USP7: variants seen among roughly 807,000 people sequenced by gnomAD.
The protein encoded by USP7 is ubiquitin C-terminal hydrolase 7.
USP7 carries 9 observed loss-of-function variants against 162.9 expected under a neutral mutation model. That is an observed-to-expected ratio of 0.06 (90% confidence interval 0.03 to 0.10). USP7 has a LOEUF of 0.10. Among genes scored for constraint, USP7 ranks in the 10% least tolerant of loss-of-function variants. The pLI, the probability that USP7 is intolerant of heterozygous loss-of-function variation, is 1.00. For missense variants in USP7, 715 were observed against 1,373.7 expected (o/e 0.52, Z 7.58); for synonymous variants, 562 against 475.9 (o/e 1.18, Z -2.35).
At chr16:8,915,927 A>G (rs1897344518) in intron 8 of USP7, among the ~76,000 whole-genome samples, 1 of 152,222 alleles carries the variant, frequency 6.6e-6, no homozygotes, top group Non-Finnish European at 1.5e-5. Flanking sequence ...AATGAACTGG[A>G]TTCAATCCAG....
At chr16:8,963,151 C>G in intron 1 of USP7, 56 bp downstream of exon 1, 9 of 1,355,018 alleles carry the variant, frequency 6.6e-6, no homozygotes, top group Non-Finnish European at 8.7e-6. Flanking sequence ...CGCGGCTCCC[C>G]CGGCCACAAT....
rs1897809313 is a variant in USP7, at chr16:8,923,391, T to C, written c.207A>G (p.Ala69=). 6.2e-7 allele frequency: 1 copy of C among 1,614,224 alleles called. No individual in the cohort carries two copies. The highest frequency in any genetic ancestry group is 8.5e-7 in the Non-Finnish European group (1 of 1,180,048). ...AGCGCTCCACAGTGAACTGAAAGGT[T>C]GCCTCGGAGCGCCAACTGGTGTCTG... ...MEDDTSWRSE[A]TFQFTVERFS... Residue 69 remains alanine, a synonymous_variant, in exon 3 of 31, where the codon GCA becomes GCG. Coordinates refer to ENST00000344836, the MANE Select transcript of USP7 (RefSeq NM_003470.3).
rs1336414551 is a variant in USP7, at chr16:8,918,832, G to GT, written c.720+198dup. 3.9e-5 allele frequency among the ~76,000 whole-genome samples: 6 copies of GT among 152,240 alleles called. No homozygotes were observed. In the South Asian group the frequency reaches 6.2e-4, roughly 16 times the overall value. On this transcript the variant is annotated intron_variant, in intron 6 of 30. Transcript: ENST00000344836. ...TCAATAAAGAAAAAGGTTGGCGGTGGTAACTCTGAATCACTGAGGCAGGTT... is the reference window on the plus strand; with the variant it reads ...TCAATAAAGAAAAAGGTTGGCGGTGGTTAACTCTGAATCACTGAGGCAGGTT...
rs780907194 is a variant in USP7 at position 8,894,532 on chromosome 16, G to A, written c.3202+18C>T. 15 of 1,606,734 alleles carry A rather than the reference G, an allele frequency of 9.3e-6. No homozygotes were observed. In the African/African-American group the frequency reaches 1.2e-4, roughly 13 times the overall value. ...GTCTGAAACCCACACCAGCCCCCGG[G>A]GGGGGGAGAACCCTTACCGGGCTGT... On this transcript the variant is annotated intron_variant, in intron 30 of 30. Transcript: ENST00000344836.
chr16:8,944,281 T>C (rs1011702422), intron 1 of USP7, among the ~76,000 whole-genome samples: 35 of 150,880 alleles, frequency 2.3e-4, no homozygotes, highest in African/African-American at 7.8e-4. Flanking sequence ...TGACACCCCC[T>C]TGGCAGCTGA....
rs2061743451 is a variant in USP7, at chr16:8,899,647, G to C, written c.2420C>G (p.Pro807Arg). The change falls in exon 22 of 31, where the codon CCT (proline) becomes CGT (arginine). Residue 807 changes from proline to arginine, a missense_variant. Pro to Arg is a moderately radical substitution (Grantham distance 103). This residue lies in a region of USP7 where 222 missense variants were observed against 441.7 expected (regional missense o/e 0.50). Coordinates refer to ENST00000344836, the MANE Select transcript of USP7 (RefSeq NM_003470.3). ...IFCDKTIPNDPGFVVTLSNRM... is the reference protein window; with the variant it reads ...IFCDKTIPNDRGFVVTLSNRM... ...ATTTGATAACGTAACCACAAATCCA[G>C]GATCATTAGGGATTGTTTTATCACA... The C allele has an allele frequency of 6.2e-7, 1 of 1,614,212 alleles. No homozygotes were observed. The highest frequency in any genetic ancestry group is 2.2e-5 in the East Asian group (1 of 44,888).
intron 1 of USP7, chr16:8,936,656 G>T: frequency 6.4e-7 from 1 of 1,550,730 alleles, no homozygotes; most frequent in South Asian, 1.2e-5. Flanking sequence ...GGATGGGGGA[G>T]GTTCTCTCAC....
At position 8,918,070 on chromosome 16, in the gene USP7, A is replaced by G. The variant is rs913938937; in HGVS notation, c.721-914T>C. 1.1e-4 allele frequency among the ~76,000 whole-genome samples: 17 copies of G among 152,296 alleles called. No homozygotes were observed. The South Asian group carries it at 2.1e-3, about 19-fold the overall frequency. ...CTCCCAAAGTGCTGGAATTACAGGCATGAGCCACTGCGCCCAGCCATGGAG... is the reference window on the plus strand; with the variant it reads ...CTCCCAAAGTGCTGGAATTACAGGCGTGAGCCACTGCGCCCAGCCATGGAG... On this transcript the variant is annotated intron_variant, in intron 6 of 30. Transcript: ENST00000344836.
At position 8,963,113 on chromosome 16, in the gene USP7, A is replaced by C. The variant is rs1158661288; in HGVS notation, c.79+94T>G. The C allele has an allele frequency of 2.4e-5, 28 of 1,157,082 alleles. No individual in the cohort carries two copies. In the Admixed American group the frequency reaches 6.2e-4, roughly 26 times the overall value. 71.7% of individuals were successfully genotyped at this position (1,157,082 alleles called of 1,614,324 possible). A position where few individuals can be genotyped will look rare whatever the true frequency, so the allele number is the denominator to read the frequency against. ...CCCGGCGGCCGCCCGGGGCCTGGTT[A>C]AAGATGGCGAGCCCCTCGCGTGGCT... On this transcript the variant is annotated intron_variant, in intron 1 of 30. Coordinates refer to ENST00000344836, the MANE Select transcript of USP7 (RefSeq NM_003470.3).
rs139079836 is a variant in USP7 at position 8,937,316 on chromosome 16, G to A, written c.80-6919C>T. ...TCCCAACACTTTGGGAGGCTGAGGCGGGCGGATCACCTGAGGCCAGAAGTT... is the reference window on the plus strand; with the variant it reads ...TCCCAACACTTTGGGAGGCTGAGGCAGGCGGATCACCTGAGGCCAGAAGTT... On this transcript the variant is annotated intron_variant, in intron 1 of 30. Transcript: ENST00000344836. Among the ~76,000 whole-genome samples, 291 of 152,318 alleles carry A rather than the reference G, an allele frequency of 1.9e-3. 7 individuals carry two copies. In the East Asian group the frequency reaches 0.051, roughly 27 times the overall value.
chr16:8,940,991 C>T lies in USP7; in HGVS notation c.80-10594G>A, dbSNP rs548147141. Among the ~76,000 whole-genome samples, 6 of 152,298 alleles carry T rather than the reference C, an allele frequency of 3.9e-5. No homozygotes were observed. In the South Asian group the frequency reaches 1.2e-3, roughly 32 times the overall value. Reference sequence around the variant, plus strand: ...GGACAGAATTCTCTCTCCTCCCACTCCAGGACCCTTCTTCTCGTCCAGCAC... The same window carrying T: ...GGACAGAATTCTCTCTCCTCCCACTTCAGGACCCTTCTTCTCGTCCAGCAC... On this transcript the variant is annotated intron_variant, in intron 1 of 30. Transcript: ENST00000344836.
rs552053414 is a variant in USP7 at position 8,899,387 on chromosome 16, G to C, written c.2464-199C>G. The C allele has an allele frequency of 3.6e-5, 28 of 767,848 alleles. No homozygotes were observed. The Middle Eastern group carries it at 1.1e-3, about 29-fold the overall frequency. 47.6% of individuals were successfully genotyped at this position (767,848 alleles called of 1,614,324 possible). Reference sequence around the variant, plus strand: ...ATCTGATGAAGATAACTTTGGAAAGGGTTTTCACTTTTAATGGTGAGGTCT... The same window carrying C: ...ATCTGATGAAGATAACTTTGGAAAGCGTTTTCACTTTTAATGGTGAGGTCT... On this transcript the variant is annotated intron_variant, in intron 22 of 30. Coordinates refer to ENST00000344836, the MANE Select transcript of USP7 (RefSeq NM_003470.3).
intron 1 of USP7, among the ~76,000 whole-genome samples, chr16:8,960,837 C>T (rs1006261683): frequency 6.6e-6 from 1 of 152,196 alleles, no homozygotes; most frequent in Admixed American, 6.5e-5. Context: ...AAATAGATGG[C>T]CTAAGACACA....
intron 1 of USP7, among the ~76,000 whole-genome samples, chr16:8,950,612 AAC>A (rs1221216272): frequency 6.6e-6 from 1 of 152,318 alleles, no homozygotes; most frequent in East Asian, 1.9e-4. Context: ...TGACAGAGAC[AAC>A]AGTCTCAGTT....
chr16:8,956,543 C>G (rs1032389180), intron 1 of USP7, among the ~76,000 whole-genome samples: 1 of 152,156 alleles, frequency 6.6e-6, no homozygotes, highest in Non-Finnish European at 1.5e-5. Flanking sequence ...GGCGGGCAGA[C>G]TGCCTGAGCT....
At chr16:8,935,034 C>T (rs930378576) in intron 1 of USP7, among the ~76,000 whole-genome samples, 4 of 152,182 alleles carry the variant, frequency 2.6e-5, no homozygotes, top group African/African-American at 9.7e-5. Context: ...ATAGCCTAAA[C>T]GATAAGGCTG....
At chr16:8,962,611 T>C (rs969990039) in intron 1 of USP7, 6 of 303,636 alleles carry the variant, frequency 2.0e-5, no homozygotes, top group African/African-American at 1.3e-4. Flanking sequence ...ACAGGTGGAT[T>C]CGGAAACCAA....
chr16:8,920,978 G>T (rs745801562), intron 4 of USP7, among the ~76,000 whole-genome samples, 179 bp downstream of exon 4: 4 of 152,218 alleles, frequency 2.6e-5, no homozygotes, highest in African/African-American at 4.8e-5. Context: ...CGTGAATCCA[G>T]AAAGCTGCTA....
At chr16:8,913,132 G>A (rs1292547557) in intron 10 of USP7, among the ~76,000 whole-genome samples, 1 of 152,226 alleles carries the variant, frequency 6.6e-6, no homozygotes, top group African/African-American at 2.4e-5. Flanking sequence ...AAGATGGGCA[G>A]ATCACCTGAG....
Sources: gnomAD v4.1 joint callset for allele counts (sites outside exome capture counted in the v4.1 genomes callset) on GRCh38, gnomAD v4.1.1 for gene constraint, gnomAD v4.1.1 regional missense constraint, MANE v1.5 for transcripts, NCBI Gene and HGNC (gene_info 2026-07-23, HGNC 2026-07-21) for gene names.